SEMA6A: variants seen among roughly 807,000 people sequenced by gnomAD.
The protein encoded by SEMA6A is semaphorin-6A.
In SEMA6A, 25 loss-of-function variants were observed where a neutral mutation model predicts 96.8. The observed-to-expected ratio is 0.26, with a 90% CI of 0.19 to 0.36. The LOEUF is 0.36. Among genes scored for constraint, SEMA6A ranks in the 10% least tolerant of loss-of-function variants. SEMA6A has a pLI of 1.00. For synonymous variants in SEMA6A, 612 were observed against 518.0 expected, an observed-to-expected ratio of 1.18 and a Z score of -2.46; for missense variants, 1,363 against 1,323.1, an observed-to-expected ratio of 1.03 and a Z score of -0.47.
chr5:116,511,661 C>T (rs567604813), intron 1 of SEMA6A, among the ~76,000 whole-genome samples: 1 of 152,300 alleles, frequency 6.6e-6, no homozygotes, highest in East Asian at 1.9e-4. Context: ...CAGTTGCTCC[C>T]AAACATGTAG....
intron 13 of SEMA6A, 177 bp from the exon 14 acceptor site, chr5:116,478,331 AAC>A (rs908379898): frequency 3.0e-5 from 23 of 770,004 alleles, no homozygotes; most frequent in East Asian, 8.1e-5. Flanking sequence ...TATCTATATA[AAC>A]ACACACACAT....
intron 10 of SEMA6A, chr5:116,486,531 G>A (rs183433327): frequency 5.8e-5 from 30 of 521,402 alleles, no homozygotes; most frequent in African/African-American, 5.7e-4. Context: ...AGAAGATATT[G>A]TCATAATTTA....
intron 17 of SEMA6A, chr5:116,468,949 C>G (rs1755934590): frequency 7.8e-6 from 1 of 127,468 alleles, no homozygotes; most frequent in Non-Finnish European, 1.9e-5. Context: ...AAGTACAGTG[C>G]ATTCTTTTTT....
rs1330859476 is a variant in SEMA6A at position 116,478,679 on chromosome 5, C to T, written c.1290G>A (p.Gly430=). 4 of 1,613,630 alleles carry T rather than the reference C, an allele frequency of 2.5e-6. No homozygotes were observed. The highest frequency in any genetic ancestry group is 1.7e-5 in the Admixed American group (1 of 59,936). Reference sequence around the variant, plus strand: ...AAACCACAGTGTGATTCTGATATGGCCCAGCAGCTGTGTCCACTGCAATTT... The same window carrying T: ...AAACCACAGTGTGATTCTGATATGGTCCAGCAGCTGTGTCCACTGCAATTT... ...LTKIAVDTAA[G]PYQNHTVVFL... is the part of the protein sequence containing the mutation. Residue 430 remains glycine (G), a synonymous_variant, in exon 13 of 19, where the codon GGG becomes GGA. Transcript: ENST00000343348.
chr5:116,561,929 G>A (rs959737682), intron 1 of SEMA6A, among the ~76,000 whole-genome samples: 2 of 151,802 alleles, frequency 1.3e-5, no homozygotes, highest in Admixed American at 1.3e-4. Context: ...CTTTTTAATA[G>A]AAACCTTTCC....
intron 12 of SEMA6A, among the ~76,000 whole-genome samples, chr5:116,478,929 AGT>A (rs34260068): frequency 0.15 from 22,334 of 149,134 alleles, 1,980 homozygotes; most frequent in African/African-American, 0.24. Flanking sequence ...GGTGTGAGAG[AGT>A]GTGTGTGTGT....
intron 6 of SEMA6A, among the ~76,000 whole-genome samples, chr5:116,494,899 G>T (rs113457741): frequency 0.016 from 2,374 of 151,430 alleles, 68 homozygotes; most frequent in African/African-American, 0.054. Flanking sequence ...CTTTAAGAGG[G>T]CTTTTTCCAG....
intron 18 of SEMA6A, among the ~76,000 whole-genome samples, chr5:116,466,309 G>A (rs27716): frequency 0.038 from 5,817 of 151,250 alleles, 112 homozygotes; most frequent in Admixed American, 0.068. Context: ...AACTTGGGAG[G>A]CGGAGGTTGC....
chr5:116,504,152 A>C lies in SEMA6A; in HGVS notation c.100+693T>G, dbSNP rs186805880. ...GTCATTACTATGAAAAGAGATATTT[A>C]GGAAAAAAATGCTCTCTTACATTTT... On this transcript the variant is annotated intron_variant, in intron 2 of 18. Transcript: ENST00000343348. Among the ~76,000 whole-genome samples, 8 of 152,288 alleles carry C rather than the reference A, an allele frequency of 5.3e-5. No individual in the cohort carries two copies. In the East Asian group the frequency reaches 1.5e-3, roughly 29 times the overall value.
intron 18 of SEMA6A, chr5:116,449,455 C>G (rs533361084): frequency 1.1e-4 from 74 of 667,966 alleles, no homozygotes; most frequent in Non-Finnish European, 1.8e-4. Context: ...CTTCCCAAGC[C>G]CACAACACGC....
At chr5:116,527,411 A>C (rs1209581828) in intron 1 of SEMA6A, among the ~76,000 whole-genome samples, 2 of 152,220 alleles carry the variant, frequency 1.3e-5, no homozygotes, top group African/African-American at 2.4e-5. Context: ...AACTATTCCT[A>C]ATGCTTCAAT....
At chr5:116,464,934 C>A (rs1165845942) in intron 18 of SEMA6A, among the ~76,000 whole-genome samples, 1 of 152,108 alleles carries the variant, frequency 6.6e-6, no homozygotes, top group Non-Finnish European at 1.5e-5. Context: ...ACACTTGACT[C>A]CTCAGTGAGC....
intron 15 of SEMA6A, among the ~76,000 whole-genome samples, chr5:116,477,086 A>G (rs1283632993): frequency 7.2e-5 from 11 of 152,218 alleles, no homozygotes; most frequent in Admixed American, 7.2e-4. Flanking sequence ...TTGAAGAAAG[A>G]TCTGTGCTGT....
intron 18 of SEMA6A, among the ~76,000 whole-genome samples, chr5:116,456,917 A>T (rs1170335134): frequency 2.0e-5 from 3 of 152,130 alleles, no homozygotes; most frequent in Non-Finnish European, 2.9e-5. Flanking sequence ...TCATCTCTGC[A>T]TGACTAGACG....
chr5:116,508,684 T>TA (rs199960716), intron 1 of SEMA6A, among the ~76,000 whole-genome samples: 169 of 152,118 alleles, frequency 1.1e-3, no homozygotes, highest in African/African-American at 3.9e-3. Context: ...TTTGACTTCT[T>TA]AAAAAAAATC....
chr5:116,478,488 G>A (rs1251226856), intron 13 of SEMA6A, 54 bp downstream of exon 13: 2 of 1,485,252 alleles, frequency 1.3e-6, no homozygotes, highest in Non-Finnish European at 1.8e-6. Context: ...GAATGAAAGG[G>A]GCCATAATAG....
chr5:116,532,974 T>C (rs1443648373), intron 1 of SEMA6A, among the ~76,000 whole-genome samples: 1 of 152,198 alleles, frequency 6.6e-6, no homozygotes, highest in Non-Finnish European at 1.5e-5. Flanking sequence ...ATCAGGTTTC[T>C]CCACCCCCTC....
intron 1 of SEMA6A, among the ~76,000 whole-genome samples, chr5:116,570,978 C>T (rs951827561): frequency 6.6e-6 from 1 of 152,208 alleles, no homozygotes; most frequent in South Asian, 2.1e-4. Context: ...ACTCAAAATA[C>T]AACTGCTATA....
chr5:116,513,815 GTTCTTCCC>G (rs1411677974), intron 1 of SEMA6A, among the ~76,000 whole-genome samples: 6 of 151,894 alleles, frequency 4.0e-5, no homozygotes, highest in Admixed American at 1.3e-4. Context: ...AGTGTGTGCT[GTTCTTCCC>G]CGTGTGTCCA....
Sources: allele counts gnomAD v4.1 joint callset (sites outside exome capture counted in the v4.1 genomes callset), GRCh38; gene constraint gnomAD v4.1.1; transcripts MANE v1.5; gene names NCBI Gene and HGNC (gene_info 2026-07-23, HGNC 2026-07-21).